The following ST18 variants were observed in gnomAD, a reference collection of about 807,000 sequenced individuals.
The protein encoded by ST18 is suppression of tumorigenicity 18 protein.
Under a neutral mutation model 110.0 loss-of-function variants are expected in ST18, and 50 were observed. The observed-to-expected ratio is 0.45, with a 90% CI of 0.36 to 0.58. ST18 has a LOEUF of 0.58. Ranked by LOEUF, ST18 falls within the 20% of genes least tolerant of loss-of-function variation. The pLI is 0.00. For synonymous variants in ST18, 461 were observed against 452.4 expected, an observed-to-expected ratio of 1.02 and a Z score of -0.24; for missense variants, 1,306 against 1,280.1, an observed-to-expected ratio of 1.02 and a Z score of -0.31.
chr8:52,262,629 A>G (rs2138680047), intron 2 of ST18, among the ~76,000 whole-genome samples: 1 of 152,330 alleles, frequency 6.6e-6, no homozygotes, highest in Non-Finnish European at 1.5e-5. Context: ...GTCGTTGTAC[A>G]TTTTTTCTGC....
chr8:52,189,173 C>T (rs1588066933), intron 8 of ST18, among the ~76,000 whole-genome samples: 1 of 152,130 alleles, frequency 6.6e-6, no homozygotes, highest in Non-Finnish European at 1.5e-5. Context: ...CAGCATCTGG[C>T]TTTCTAAGAG....
intron 8 of ST18, among the ~76,000 whole-genome samples, chr8:52,206,002 T>G (rs74372124): frequency 0.019 from 2,907 of 152,294 alleles, 37 homozygotes; most frequent in Non-Finnish European, 0.031. Context: ...AAAGTGTGGA[T>G]AGTAAAGTGG....
intron 2 of ST18, chr8:52,296,218 A>C (rs1467826650): frequency 1.3e-5 from 2 of 152,258 alleles, no homozygotes; most frequent in Admixed American, 6.5e-5. Flanking sequence ...ATTTTTAAAA[A>C]TAACAATGAC....
rs77406895 is a variant in ST18 at position 52,387,194 on chromosome 8, G to A, written c.-465+22134C>T. On this transcript the variant is annotated intron_variant, in intron 2 of 25. Coordinates refer to ENST00000689386, the MANE Select transcript of ST18 (RefSeq NM_001352837.2). ...TGTCTTCTGTCTCCAAACTGAGAAAGTCCAGAGATTTTAAAATGTCAACTG... is the reference window on the plus strand; with the variant it reads ...TGTCTTCTGTCTCCAAACTGAGAAAATCCAGAGATTTTAAAATGTCAACTG... Among the ~76,000 whole-genome samples the A allele has an allele frequency of 7.7e-3, 1,168 of 151,536 alleles. 11 individuals carry two copies. Among genetic ancestry groups the A allele is most frequent in the Middle Eastern group, 0.034 (10 of 294 alleles).
chr8:52,318,405 C>T (rs1312348000), intron 2 of ST18, among the ~76,000 whole-genome samples: 1 of 152,120 alleles, frequency 6.6e-6, no homozygotes, highest in Non-Finnish European at 1.5e-5. Context: ...ACAGCAGATG[C>T]TGGCAACGTT....
chr8:52,301,300 A>G (rs1385526892), intron 2 of ST18, among the ~76,000 whole-genome samples: 2 of 152,238 alleles, frequency 1.3e-5, no homozygotes, highest in African/African-American at 4.8e-5. Context: ...AAAAGATAGC[A>G]TAAGTGATAC....
intron 8 of ST18, among the ~76,000 whole-genome samples, chr8:52,192,444 G>C (rs1038456230): frequency 1.3e-5 from 2 of 152,108 alleles, no homozygotes; most frequent in Non-Finnish European, 2.9e-5. Flanking sequence ...AACCCACTTA[G>C]GAAAATAACC....
chr8:52,319,321 A>G (rs1403301637), intron 2 of ST18, among the ~76,000 whole-genome samples: 3 of 152,124 alleles, frequency 2.0e-5, no homozygotes, highest in Admixed American at 2.0e-4. Context: ...ATGCCATTCA[A>G]ATCCTCTAAA....
chr8:52,207,089 T>C (rs1360085072), intron 8 of ST18, among the ~76,000 whole-genome samples: 2 of 152,200 alleles, frequency 1.3e-5, no homozygotes, highest in Non-Finnish European at 2.9e-5. Context: ...CTATTACTGA[T>C]ATAAAGACTA....
At chr8:52,319,352 C>T (rs1802875650) in intron 2 of ST18, among the ~76,000 whole-genome samples, 1 of 152,110 alleles carries the variant, frequency 6.6e-6, no homozygotes, top group Non-Finnish European at 1.5e-5. Flanking sequence ...TTTTTGTCTA[C>T]TAGATCTGTT....
intron 15 of ST18, among the ~76,000 whole-genome samples, chr8:52,152,053 C>G (rs1379116138): frequency 6.6e-6 from 1 of 152,156 alleles, no homozygotes; most frequent in African/African-American, 2.4e-5. Context: ...TTATACATTT[C>G]GAGTCAATTA....
chr8:52,119,797 G>A (rs989863969), intron 23 of ST18, among the ~76,000 whole-genome samples: 2 of 152,246 alleles, frequency 1.3e-5, no homozygotes, highest in South Asian at 4.2e-4. Flanking sequence ...TAAAACAGAT[G>A]GCTATTCTGT....
At chr8:52,350,356 C>T (rs1435391917) in intron 2 of ST18, among the ~76,000 whole-genome samples, 2 of 152,110 alleles carry the variant, frequency 1.3e-5, no homozygotes, top group Non-Finnish European at 2.9e-5. Context: ...ACGTGTTTGA[C>T]CTTGAGACAA....
At chr8:52,300,565 C>T (rs1445315626) in intron 2 of ST18, among the ~76,000 whole-genome samples, 5 of 152,106 alleles carry the variant, frequency 3.3e-5, no homozygotes, top group Non-Finnish European at 7.4e-5. Flanking sequence ...CTGCCCTCCA[C>T]CTGTTTTTGT....
chr8:52,193,483 C>G (rs1278926985), intron 8 of ST18, among the ~76,000 whole-genome samples: 3 of 152,244 alleles, frequency 2.0e-5, no homozygotes, highest in Non-Finnish European at 4.4e-5. Context: ...CACCAAAGCT[C>G]TTGGCAGAGT....
intron 8 of ST18, chr8:52,194,226 C>T (rs1019157868): frequency 3.3e-5 from 5 of 152,258 alleles, no homozygotes; most frequent in East Asian, 1.9e-4. Context: ...TCCTCTGAAT[C>T]GTGAGGTAAT....
At chr8:52,225,079 T>C (rs2088769383) in intron 3 of ST18, among the ~76,000 whole-genome samples, 1 of 152,212 alleles carries the variant, frequency 6.6e-6, no homozygotes, top group Admixed American at 6.5e-5. Flanking sequence ...TATGAAGTAA[T>C]TGTACTTACA....
At chr8:52,141,805 A>G (rs1178582232) in intron 17 of ST18, among the ~76,000 whole-genome samples, 3 of 152,100 alleles carry the variant, frequency 2.0e-5, no homozygotes, top group African/African-American at 7.2e-5. Context: ...GGGGGATGGG[A>G]GCACTCACTG....
At chr8:52,260,955 T>G (rs16917579) in intron 2 of ST18, among the ~76,000 whole-genome samples, 1,682 of 152,306 alleles carry the variant, frequency 0.011, 32 homozygotes, top group African/African-American at 0.038. Flanking sequence ...TTGAAATAAG[T>G]GTCTTCATGA....
Sources: gnomAD v4.1 joint callset for allele counts (sites outside exome capture counted in the v4.1 genomes callset) on GRCh38, gnomAD v4.1.1 for gene constraint, MANE v1.5 for transcripts, NCBI Gene and HGNC (gene_info 2026-07-23, HGNC 2026-07-21) for gene names.